Variants in DSCAM observed in about 807,000 individuals in gnomAD.
DSCAM encodes the protein DS cell adhesion molecule, also known as cell adhesion molecule DSCAM.
A neutral mutation model predicts 217.7 loss-of-function variants in DSCAM; 47 were observed. The ratio of observed to expected loss-of-function variants is 0.22; its 90% CI spans 0.17 to 0.28. The LOEUF (loss-of-function observed/expected upper bound fraction) is 0.28, where lower values mean the gene tolerates loss of function less well. DSCAM is among the 10% of genes least tolerant of loss of function. The probability of loss-of-function intolerance (pLI) is 1.00; values close to 1 mark genes in which losing one functional copy is unlikely to be tolerated. For synonymous variants in DSCAM, 1,056 were observed against 1,015.3 expected, an observed-to-expected ratio of 1.04 and a Z score of -0.76; for missense variants, 2,080 against 2,618.3, an observed-to-expected ratio of 0.79 and a Z score of 4.49.
At chr21:40,765,032 T>G (rs1269749113) in intron 1 of DSCAM, among the ~76,000 whole-genome samples, 1 of 150,864 alleles carries the variant, frequency 6.6e-6, no homozygotes, top group Non-Finnish European at 1.5e-5. Flanking sequence ...GGTTGATAGG[T>G]GCAGCAAACC....
At chr21:40,282,084 G>T (rs764023433) in intron 10 of DSCAM, among the ~76,000 whole-genome samples, 3 of 152,120 alleles carry the variant, frequency 2.0e-5, no homozygotes, top group Non-Finnish European at 2.9e-5. Context: ...GTGTTCATTA[G>T]TGTGAGGATA....
chr21:40,119,478 T>C (rs890863390), intron 20 of DSCAM, among the ~76,000 whole-genome samples: 1 of 152,134 alleles, frequency 6.6e-6, no homozygotes, highest in African/African-American at 2.4e-5. Flanking sequence ...GGACTGACGG[T>C]TCTCTAAGAT....
At chr21:40,050,667 G>A (rs1255047499) in intron 30 of DSCAM, among the ~76,000 whole-genome samples, 1 of 152,128 alleles carries the variant, frequency 6.6e-6, no homozygotes, top group East Asian at 1.9e-4. Context: ...ATTTTTAGTA[G>A]AGACGAGGTT....
intron 3 of DSCAM, chr21:40,513,267 T>C (rs2076274761): frequency 6.6e-6 from 1 of 152,174 alleles, no homozygotes; most frequent in South Asian, 2.1e-4. Context: ...GTAATATGAA[T>C]GAAGAGACAT....
intron 3 of DSCAM, among the ~76,000 whole-genome samples, chr21:40,479,289 T>C (rs1275716564): frequency 1.3e-5 from 2 of 152,220 alleles, no homozygotes; most frequent in African/African-American, 4.8e-5. Flanking sequence ...TAAAGCCCAG[T>C]GCTTCCATCT....
intron 3 of DSCAM, chr21:40,615,334 C>T (rs1291797417): frequency 6.8e-6 from 1 of 146,414 alleles, no homozygotes; most frequent in East Asian, 2.0e-4. Context: ...ATATTATATA[C>T]CAAAATGTTA....
chr21:40,356,534 T>C (rs1333863899), intron 4 of DSCAM, among the ~76,000 whole-genome samples: 2 of 152,190 alleles, frequency 1.3e-5, no homozygotes, highest in Non-Finnish European at 2.9e-5. Context: ...TGTGGATTTG[T>C]AGGAAATTCT....
chr21:40,491,901 C>A (rs2076079053), intron 3 of DSCAM, among the ~76,000 whole-genome samples: 1 of 152,194 alleles, frequency 6.6e-6, no homozygotes, highest in Non-Finnish European at 1.5e-5. Flanking sequence ...AACCCCCCTT[C>A]CCGGGGGTCT....
At chr21:40,321,094 C>T (rs1307479795) in intron 8 of DSCAM, among the ~76,000 whole-genome samples, 1 of 152,160 alleles carries the variant, frequency 6.6e-6, no homozygotes, top group African/African-American at 2.4e-5. Context: ...TTCAACAATT[C>T]AGATGGAAAG....
chr21:40,117,431 G>A (rs940223725), intron 20 of DSCAM, among the ~76,000 whole-genome samples: 5 of 152,130 alleles, frequency 3.3e-5, no homozygotes, highest in Non-Finnish European at 7.3e-5. Context: ...AGCTCAGCCC[G>A]CTGTGGGTTG....
rs141557014 is a variant in DSCAM, at chr21:40,158,197, C to A, written c.3018+9021G>T. Among the ~76,000 whole-genome samples, 16 of 152,100 alleles carry A rather than the reference C, an allele frequency of 1.1e-4. No individual in the cohort carries two copies. The East Asian group carries it at 3.1e-3, about 30-fold the overall frequency. On this transcript the variant is annotated intron_variant, in intron 16 of 32. Transcript: ENST00000400454. Reference sequence around the variant, plus strand: ...GTCAGGAATTTGAGACCAGCCTGGGCAACATAGTGAGACCTTGTCTCTACA... The same window carrying A: ...GTCAGGAATTTGAGACCAGCCTGGGAAACATAGTGAGACCTTGTCTCTACA...
chr21:40,181,090 C>T (rs543965008), intron 14 of DSCAM, among the ~76,000 whole-genome samples: 18 of 152,304 alleles, frequency 1.2e-4, no homozygotes, highest in Middle Eastern at 3.4e-3. Context: ...ACCCTCCTGT[C>T]CGTGGCCTTC....
intron 3 of DSCAM, among the ~76,000 whole-genome samples, chr21:40,512,476 G>T (rs1009366154): frequency 2.6e-5 from 4 of 152,102 alleles, no homozygotes; most frequent in Admixed American, 2.6e-4. Flanking sequence ...AGCGAAACGT[G>T]GTGATCCTCA....
At chr21:40,214,173 C>T (rs1463412221) in intron 11 of DSCAM, among the ~76,000 whole-genome samples, 6 of 152,228 alleles carry the variant, frequency 3.9e-5, no homozygotes, top group Admixed American at 6.5e-5. Flanking sequence ...CCCACTTAGG[C>T]TATAAATGCT....
chr21:40,686,313 ACAC>A (rs1187792999), intron 3 of DSCAM, among the ~76,000 whole-genome samples: 1 of 150,876 alleles, frequency 6.6e-6, no homozygotes, highest in African/African-American at 2.4e-5. Flanking sequence ...CGGCACACAC[ACAC>A]ACCACATATA....
chr21:40,079,707 C>A (rs2089424581), intron 25 of DSCAM, among the ~76,000 whole-genome samples: 1 of 151,938 alleles, frequency 6.6e-6, no homozygotes, highest in African/African-American at 2.4e-5. Context: ...CCTTGAAAGT[C>A]CACATTTTAG....
At chr21:40,608,620 G>A (rs1225898689) in intron 3 of DSCAM, among the ~76,000 whole-genome samples, 1 of 152,114 alleles carries the variant, frequency 6.6e-6, no homozygotes, top group Non-Finnish European at 1.5e-5. Context: ...TCTACTATGA[G>A]GTATTTTTCA....
chr21:40,825,645 C>A (rs899660248), intron 1 of DSCAM, among the ~76,000 whole-genome samples: 2 of 152,064 alleles, frequency 1.3e-5, no homozygotes, highest in African/African-American at 4.8e-5. Flanking sequence ...AATTTTTGAA[C>A]CAAATATCTT....
chr21:40,572,088 GTGTGT>G (rs1568913530), intron 3 of DSCAM, among the ~76,000 whole-genome samples: 44 of 7,604 alleles, frequency 5.8e-3, no homozygotes, highest in African/African-American at 0.025. Flanking sequence ...GTGTGTGGGT[GTGTGT>G]GTGTGTGTGT....
Sources: allele counts gnomAD v4.1 joint callset (sites outside exome capture counted in the v4.1 genomes callset), GRCh38; gene constraint gnomAD v4.1.1; transcripts MANE v1.5; gene names NCBI Gene and HGNC (gene_info 2026-07-23, HGNC 2026-07-21).